The following TBXAS1 variants were observed in gnomAD, a reference collection of about 807,000 sequenced individuals.
The protein encoded by TBXAS1 is thromboxane A synthase 1.
Under a neutral mutation model 60.7 loss-of-function variants are expected in TBXAS1, and 48 were observed. The observed-to-expected ratio is 0.79, with a 90% CI of 0.63 to 1.01. The LOEUF is 1.01. Among genes scored for constraint, TBXAS1 ranks in the 50% least tolerant of loss-of-function variants. TBXAS1 has a pLI of 0.00. For missense variants in TBXAS1, 685 were observed against 686.3 expected (o/e 1.00, Z 0.02); for synonymous variants, 287 against 269.7 (o/e 1.06, Z -0.63).
At chr7:139,910,923 T>C (rs1805467747) in intron 3 of TBXAS1, among the ~76,000 whole-genome samples, 1 of 152,362 alleles carries the variant, frequency 6.6e-6, no homozygotes, top group East Asian at 1.9e-4. Context: ...TTTACATGTA[T>C]AGCTCTGTCT....
In TBXAS1 at chr7:140,004,911, G is replaced by A. The variant is rs1479952474; in HGVS notation, c.1135-2180G>A. Among the ~76,000 whole-genome samples the A allele has an allele frequency of 6.6e-6, 1 of 152,192 alleles. No individual in the cohort carries two copies. ...GTGCTGCCAGCCTAGGGCAGGGACG[G>A]CCACCACCATGCCAACCCGAGATGC... On this transcript the variant is annotated intron_variant, in intron 9 of 12. Coordinates refer to ENST00000448866, the MANE Select transcript of TBXAS1 (RefSeq NM_001061.7). This position sits in a 1 kb window ranked among gnomAD's most constrained non-coding sequence, Gnocchi z 5.1.
chr7:139,797,677 G>A lies in TBXAS1; in HGVS notation c.-80+10251G>A, dbSNP rs192057429. Among the ~76,000 whole-genome samples, 261 of 152,222 alleles carry A rather than the reference G, an allele frequency of 1.7e-3. 2 individuals carry two copies. The highest frequency in any genetic ancestry group is 6.1e-3 in the African/African-American group (253 of 41,532). On this transcript the variant is annotated intron_variant, in intron 4 of 16. Transcript: ENST00000336425. ...CATTCCTGTGTAGTCTTTAGGGTGA[G>A]GGGCTGGGAGTGGGATGGAGGAAAA...
intron 7 of TBXAS1, among the ~76,000 whole-genome samples, chr7:139,956,416 G>A (rs568864572): frequency 1.3e-5 from 2 of 152,218 alleles, no homozygotes; most frequent in Non-Finnish European, 2.9e-5. Context: ...AAAGTGCTGG[G>A]ATTACAAGCG....
intron 5 of TBXAS1, among the ~76,000 whole-genome samples, chr7:139,952,035 A>G (rs1279304253): frequency 6.6e-6 from 1 of 152,018 alleles, no homozygotes. Context: ...GAAGGAGGGA[A>G]GGAAGGAAGG....
At chr7:139,869,226 GCTGA>G (rs1446307287) in intron 1 of TBXAS1, among the ~76,000 whole-genome samples, 1 of 152,034 alleles carries the variant, frequency 6.6e-6, no homozygotes, top group African/African-American at 2.4e-5. Flanking sequence ...CTAGTGGTTG[GCTGA>G]CTATCTTTGA....
chr7:139,797,051 A>G (rs1467771253), intron 4 of TBXAS1, among the ~76,000 whole-genome samples: 1 of 152,264 alleles, frequency 6.6e-6, no homozygotes, highest in African/African-American at 2.4e-5. Flanking sequence ...TCTAATGTCA[A>G]TGAAAGGCTC....
Position 139,870,113 on chromosome 7 carries a change from G to A in TBXAS1, c.90-2122G>A, listed in dbSNP as rs979368389. 2.0e-5 allele frequency among the ~76,000 whole-genome samples: 3 copies of A among 152,196 alleles called. No homozygotes were observed. In the East Asian group the frequency reaches 5.8e-4, roughly 29 times the overall value. On this transcript the variant is annotated intron_variant, in intron 1 of 12. Coordinates refer to ENST00000448866, the MANE Select transcript of TBXAS1 (RefSeq NM_001061.7). ...GCTCAAGTTCCAGATTTGAGTCGAGGCTGCAAAGGGAAGTTTGTGGTGGTG... is the reference window on the plus strand; with the variant it reads ...GCTCAAGTTCCAGATTTGAGTCGAGACTGCAAAGGGAAGTTTGTGGTGGTG...
At chr7:139,984,476 A>T (rs1479398068) in intron 9 of TBXAS1, among the ~76,000 whole-genome samples, 1 of 149,046 alleles carries the variant, frequency 6.7e-6, no homozygotes, top group Non-Finnish European at 1.5e-5. Context: ...CTCACCTGCC[A>T]CTCCTGGGTT....
intron 1 of TBXAS1, among the ~76,000 whole-genome samples, chr7:139,865,425 A>G (rs1274430753): frequency 6.6e-6 from 1 of 152,174 alleles, no homozygotes; most frequent in Non-Finnish European, 1.5e-5. Context: ...TTATCTGCTT[A>G]TCTTCCTCTT....
intron 1 of TBXAS1, among the ~76,000 whole-genome samples, chr7:139,836,997 A>G (rs1233177766): frequency 2.0e-5 from 3 of 152,228 alleles, no homozygotes; most frequent in Non-Finnish European, 2.9e-5. Context: ...AAGTGGGCTA[A>G]GAACATGAAT....
intron 1 of TBXAS1, among the ~76,000 whole-genome samples, chr7:139,832,257 C>A (rs1798754900): frequency 1.3e-5 from 2 of 152,082 alleles, no homozygotes; most frequent in Non-Finnish European, 2.9e-5. Context: ...AAATAGATAG[C>A]TTAAAGAAAA....
intron 3 of TBXAS1, among the ~76,000 whole-genome samples, chr7:139,901,167 C>A (rs1804536720): frequency 6.6e-6 from 1 of 152,138 alleles, no homozygotes; most frequent in East Asian, 1.9e-4. Context: ...TCAGGAGCTC[C>A]TCAAACTACA....
chr7:139,881,012 T>C (rs913617022), intron 3 of TBXAS1, among the ~76,000 whole-genome samples: 4 of 152,252 alleles, frequency 2.6e-5, no homozygotes, highest in East Asian at 1.9e-4. Flanking sequence ...TGCTGCAGTT[T>C]CGATGTGCAT....
intron 10 of TBXAS1, among the ~76,000 whole-genome samples, chr7:140,011,869 A>G (rs564082433): frequency 6.6e-6 from 1 of 152,158 alleles, no homozygotes; most frequent in African/African-American, 2.4e-5. Flanking sequence ...GAAATAATAA[A>G]CAGGTGAGCA....
chr7:139,905,073 C>CTCTCTCTCTT (rs1554487253), intron 3 of TBXAS1, among the ~76,000 whole-genome samples: 8 of 102,606 alleles, frequency 7.8e-5, no homozygotes, highest in African/African-American at 3.4e-4. Context: ...CTCTCTCTCT[C>CTCTCTCTCTT]TCTTTCTCTT....
At chr7:139,965,601 C>T (rs1442207247) in intron 9 of TBXAS1, among the ~76,000 whole-genome samples, 3 of 152,092 alleles carry the variant, frequency 2.0e-5, no homozygotes, top group African/African-American at 7.2e-5. Flanking sequence ...TTTGAGAAGA[C>T]AGCCTTAGAC....
intron 3 of TBXAS1, among the ~76,000 whole-genome samples, chr7:139,900,608 C>T (rs982345533): frequency 3.9e-5 from 6 of 152,194 alleles, no homozygotes; most frequent in African/African-American, 1.2e-4. Flanking sequence ...CTAACTTTAG[C>T]ACAAACTAAC....
At chr7:139,848,341 T>C (rs1469700734) in intron 1 of TBXAS1, among the ~76,000 whole-genome samples, 1 of 152,052 alleles carries the variant, frequency 6.6e-6, no homozygotes, top group African/African-American at 2.4e-5. Context: ...GTCAGTTACG[T>C]AGGGGTAGAA....
At chr7:139,953,020 T>C (rs1557967) in intron 5 of TBXAS1, among the ~76,000 whole-genome samples, 118,924 of 152,180 alleles carry the variant, frequency 0.78, 46,603 homozygotes, top group Admixed American at 0.83. Context: ...TTTATTTACT[T>C]GCTAATGCTA....
Sources: allele counts gnomAD v4.1 joint callset (sites outside exome capture counted in the v4.1 genomes callset), GRCh38; gene constraint gnomAD v4.1.1; non-coding constraint Gnocchi (gnomAD v3.1); transcripts MANE v1.5; gene names NCBI Gene and HGNC (gene_info 2026-07-23, HGNC 2026-07-21).